TPST1: variants seen among roughly 807,000 people sequenced by gnomAD.
TPST1 encodes tyrosylprotein sulfotransferase 1.
In TPST1, 20 loss-of-function variants were observed where a neutral mutation model predicts 34.8. The observed-to-expected ratio is 0.57, with a 90% CI of 0.40 to 0.84. The LOEUF (loss-of-function observed/expected upper bound fraction) is 0.84, where lower values mean the gene tolerates loss of function less well. Ranked by LOEUF, TPST1 falls within the 40% of genes least tolerant of loss-of-function variation. The pLI is 0.00. For missense variants in TPST1, 353 were observed against 455.5 expected (o/e 0.78, Z 2.05); for synonymous variants, 152 against 159.4 (o/e 0.95, Z 0.35).
intron 3 of TPST1, among the ~76,000 whole-genome samples, chr7:66,308,033 A>G (rs73146620): frequency 0.036 from 5,509 of 152,328 alleles, 141 homozygotes; most frequent in Non-Finnish European, 0.054. Flanking sequence ...CAGTCAAACC[A>G]TCTGCTGCTG....
chr7:66,199,414 CCTCCCGAGT>C, the TPST1 span, among the ~76,000 whole-genome samples: 303 of 151,460 alleles, frequency 2.0e-3, no homozygotes, highest in Non-Finnish European at 3.2e-3. Flanking sequence ...CCTGCCTCAG[CCTCCCGAGT>C]AGCTGGGATT....
intron 2 of TPST1, among the ~76,000 whole-genome samples, chr7:66,282,626 T>C (rs887526390): frequency 2.0e-5 from 3 of 152,130 alleles, no homozygotes; most frequent in African/African-American, 7.2e-5. Flanking sequence ...TCCACTACAC[T>C]TTGCTGCCTC....
intron 3 of TPST1, among the ~76,000 whole-genome samples, chr7:66,345,834 T>C (rs1354760294): frequency 2.0e-5 from 3 of 152,178 alleles, no homozygotes; most frequent in Non-Finnish European, 4.4e-5. Context: ...TTACAAACCA[T>C]CTAGTTATAC....
At chr7:66,224,209 T>G (rs1245798442) in intron 1 of TPST1, among the ~76,000 whole-genome samples, 1 of 152,222 alleles carries the variant, frequency 6.6e-6, no homozygotes, top group Non-Finnish European at 1.5e-5. Context: ...AGATTTGAAG[T>G]CTGTACTGCA....
At chr7:66,238,525 A>T (rs1211570087) in intron 1 of TPST1, among the ~76,000 whole-genome samples, 4 of 151,808 alleles carry the variant, frequency 2.6e-5, no homozygotes, top group Admixed American at 2.6e-4. Flanking sequence ...TTAACTCCAG[A>T]TTCTGCTCGG....
chr7:66,266,416 G>A (rs1293202487), intron 2 of TPST1, among the ~76,000 whole-genome samples: 1 of 152,164 alleles, frequency 6.6e-6, no homozygotes, highest in Admixed American at 6.5e-5. Flanking sequence ...CAAGGATAAT[G>A]TTGGTAGGAG....
intron 3 of TPST1, among the ~76,000 whole-genome samples, chr7:66,335,993 A>G (rs532100731): frequency 1.3e-5 from 2 of 152,364 alleles, no homozygotes; most frequent in East Asian, 3.9e-4. Context: ...CAGACAGAGA[A>G]TTCAGAATAA....
chr7:66,347,989 T>C (rs1274243414), intron 3 of TPST1, among the ~76,000 whole-genome samples: 1 of 152,192 alleles, frequency 6.6e-6, no homozygotes, highest in East Asian at 1.9e-4. Flanking sequence ...GCTGTAAGAC[T>C]TACAGAATGA....
chr7:66,310,689 TTGGGTTTC>T (rs1791512131), intron 3 of TPST1, among the ~76,000 whole-genome samples: 1 of 152,154 alleles, frequency 6.6e-6, no homozygotes. Flanking sequence ...ATTACTTGAA[TTGGGTTTC>T]TGGGCTGTAG....
At position 66,246,450 on chromosome 7, in the gene TPST1, A is replaced by G. The variant is rs531709557; in HGVS notation, c.845+5180A>G. Among the ~76,000 whole-genome samples, 33 of 152,282 alleles carry G rather than the reference A, an allele frequency of 2.2e-4. No individual in the cohort carries two copies. The East Asian group carries it at 6.2e-3, about 28-fold the overall frequency. ...AATGGGCTGTGAAAGGAAATCAGAGAGCTGATGAAACATTGCATTTCAAAG... is the reference window on the plus strand; with the variant it reads ...AATGGGCTGTGAAAGGAAATCAGAGGGCTGATGAAACATTGCATTTCAAAG... On this transcript the variant is annotated intron_variant, in intron 2 of 5. Transcript: ENST00000304842.
chr7:66,347,025 GTTTC>G (rs1388262903), intron 3 of TPST1, among the ~76,000 whole-genome samples: 13 of 101,330 alleles, frequency 1.3e-4, no homozygotes, highest in African/African-American at 3.4e-4. Flanking sequence ...TAGGGGTCTA[GTTTC>G]TTTCTTTCTT....
At chr7:66,347,347 T>C (rs1408937426) in intron 3 of TPST1, among the ~76,000 whole-genome samples, 1 of 152,134 alleles carries the variant, frequency 6.6e-6, no homozygotes, top group East Asian at 1.9e-4. Flanking sequence ...GGATTATAGG[T>C]GTGAGCCACC....
intron 3 of TPST1, among the ~76,000 whole-genome samples, chr7:66,345,633 T>C (rs117522236): frequency 0.043 from 6,456 of 151,772 alleles, 211 homozygotes; most frequent in Non-Finnish European, 0.068. Flanking sequence ...GAGAGTGGAG[T>C]GAAATATCTC....
intron 3 of TPST1, among the ~76,000 whole-genome samples, chr7:66,330,933 G>C (rs1791984260): frequency 6.6e-6 from 1 of 152,182 alleles, no homozygotes; most frequent in African/African-American, 2.4e-5. Context: ...TTGTCTCATA[G>C]GTTCTGTGGT....
intron 3 of TPST1, among the ~76,000 whole-genome samples, chr7:66,320,245 CTTTTTTTTT>C (rs569746911): frequency 7.9e-6 from 1 of 126,388 alleles, no homozygotes; most frequent in Admixed American, 8.2e-5. Context: ...TTTTCTTTTT[CTTTTTTTTT>C]TTTTTTTTTT....
At chr7:66,314,954 G>A (rs1166359679) in intron 3 of TPST1, among the ~76,000 whole-genome samples, 1 of 152,178 alleles carries the variant, frequency 6.6e-6, no homozygotes, top group Non-Finnish European at 1.5e-5. Flanking sequence ...CACTCTAGAT[G>A]AGCATCCATT....
chr7:66,359,965 C>T lies in TPST1; in HGVS notation c.*100C>T, dbSNP rs772172140. On this transcript the variant is annotated 3_prime_UTR_variant, in exon 6 of 6. Transcript: ENST00000304842. The stretch of plus-strand genomic sequence containing the variant: ...CTGTCCCCTGCCAAGCTTGGTGGAG[C>T]GTCTGCACCTTGGCTGCGCCGCCTG... 18 of 456,578 alleles carry T rather than the reference C, an allele frequency of 3.9e-5. No homozygotes were observed. The highest frequency in any genetic ancestry group is 1.0e-4 in the African/African-American group (5 of 50,084). 28.3% of individuals were successfully genotyped at this position (456,578 alleles called of 1,614,324 possible). A position where few individuals can be genotyped will look rare whatever the true frequency, so the allele number is the denominator to read the frequency against.
chr7:66,220,939 A>G (rs952965683), intron 1 of TPST1, among the ~76,000 whole-genome samples: 1 of 152,080 alleles, frequency 6.6e-6, no homozygotes, highest in African/African-American at 2.4e-5. Context: ...TTGAGACCAG[A>G]CTGGACAACA....
At chr7:66,260,805 A>T (rs1446330858) in intron 2 of TPST1, among the ~76,000 whole-genome samples, 1 of 152,148 alleles carries the variant, frequency 6.6e-6, no homozygotes, top group East Asian at 1.9e-4. Context: ...TCTGTGCCTG[A>T]TTATTCCCTA....
Sources: allele counts gnomAD v4.1 joint callset (sites outside exome capture counted in the v4.1 genomes callset), GRCh38; gene constraint gnomAD v4.1.1; transcripts MANE v1.5; gene names NCBI Gene and HGNC (gene_info 2026-07-23, HGNC 2026-07-21).